Variants in AGBL1 observed in about 807,000 individuals in gnomAD.
AGBL1 encodes AGBL carboxypeptidase 1.
Under a neutral mutation model 118.9 loss-of-function variants are expected in AGBL1, and 130 were observed. The ratio of observed to expected loss-of-function variants is 1.09; its 90% CI spans 0.95 to 1.26. The LOEUF is 1.26. Ranked by LOEUF, AGBL1 falls within the 50% of genes most tolerant of loss-of-function variation. The pLI is 0.00. For synonymous variants in AGBL1, 555 were observed against 478.9 expected, an observed-to-expected ratio of 1.16 and a Z score of -2.08; for missense variants, 1,584 against 1,298.1, an observed-to-expected ratio of 1.22 and a Z score of -3.38.
chr15:86,508,207 C>A (rs370874601), intron 18 of AGBL1, among the ~76,000 whole-genome samples: 3 of 151,994 alleles, frequency 2.0e-5, no homozygotes, highest in African/African-American at 7.2e-5. Flanking sequence ...CAGGCGTGAA[C>A]CACTGTGCCC....
chr15:86,433,700 C>A (rs1396697502), intron 18 of AGBL1, among the ~76,000 whole-genome samples: 1 of 152,164 alleles, frequency 6.6e-6, no homozygotes, highest in Non-Finnish European at 1.5e-5. Context: ...CCAGTGTCTA[C>A]TCCCACTCAA....
At chr15:86,771,384 T>C (rs2078177739) in intron 22 of AGBL1, among the ~76,000 whole-genome samples, 1 of 152,106 alleles carries the variant, frequency 6.6e-6, no homozygotes, top group East Asian at 1.9e-4. Flanking sequence ...TTAAGTGGAG[T>C]GAATCAGGGA....
chr15:86,362,205 C>G (rs977761767), intron 17 of AGBL1, among the ~76,000 whole-genome samples: 1 of 148,720 alleles, frequency 6.7e-6, no homozygotes, highest in African/African-American at 2.5e-5. Context: ...CTCTCTCACA[C>G]ATTTTATGTT....
intron 3 of AGBL1, among the ~76,000 whole-genome samples, chr15:86,152,986 G>T (rs973808346): frequency 4.6e-5 from 7 of 152,152 alleles, no homozygotes. Flanking sequence ...AATTAGAATG[G>T]TAATCATTAA....
chr15:86,781,584 C>A (rs1477729513), intron 22 of AGBL1, among the ~76,000 whole-genome samples: 3 of 152,128 alleles, frequency 2.0e-5, no homozygotes, highest in Non-Finnish European at 2.9e-5. Context: ...CTTTGTATAT[C>A]TCCCTGTGTC....
chr15:87,018,751 G>A (rs953763150), intron 24 of AGBL1, among the ~76,000 whole-genome samples: 14 of 152,176 alleles, frequency 9.2e-5, no homozygotes, highest in African/African-American at 3.1e-4. Flanking sequence ...CATGATGACA[G>A]GATCAAACTC....
At chr15:86,121,339 A>C (rs999170675) in intron 1 of AGBL1, among the ~76,000 whole-genome samples, 1 of 152,232 alleles carries the variant, frequency 6.6e-6, no homozygotes, top group African/African-American at 2.4e-5. Flanking sequence ...TTTCTGTGCC[A>C]AAAATATACA....
intron 21 of AGBL1, among the ~76,000 whole-genome samples, chr15:86,622,746 G>A (rs1334136606): frequency 6.6e-6 from 1 of 152,096 alleles, no homozygotes; most frequent in Non-Finnish European, 1.5e-5. Context: ...GACTACGGGT[G>A]GGGCATACTT....
At chr15:86,546,653 C>T (rs927110247) in intron 20 of AGBL1, among the ~76,000 whole-genome samples, 2 of 152,114 alleles carry the variant, frequency 1.3e-5, no homozygotes, top group African/African-American at 4.8e-5. Context: ...CATGAGAATT[C>T]TATAAAAAGC....
intron 17 of AGBL1, among the ~76,000 whole-genome samples, chr15:86,342,969 G>A (rs1422250498): frequency 1.3e-5 from 2 of 152,172 alleles, no homozygotes; most frequent in Non-Finnish European, 2.9e-5. Context: ...GGTTGTATAA[G>A]TTAAATGTAG....
chr15:86,893,232 T>G (rs189796394), intron 22 of AGBL1, among the ~76,000 whole-genome samples: 2 of 152,168 alleles, frequency 1.3e-5, no homozygotes, highest in Admixed American at 1.3e-4. Context: ...TGAATCTGAG[T>G]GTCTGGAATT....
chr15:86,652,789 G>A (rs191107351), intron 21 of AGBL1, among the ~76,000 whole-genome samples: 42 of 152,306 alleles, frequency 2.8e-4, no homozygotes, highest in African/African-American at 9.1e-4. Context: ...TTCAGTGTGT[G>A]TAAAGCAGTG....
chr15:86,361,275 AT>A (rs1473523162), intron 17 of AGBL1, among the ~76,000 whole-genome samples: 13 of 151,830 alleles, frequency 8.6e-5, no homozygotes, highest in African/African-American at 3.1e-4. Flanking sequence ...ACTGTTACTG[AT>A]TTCTATTTTT....
intron 21 of AGBL1, among the ~76,000 whole-genome samples, chr15:86,633,847 T>C (rs1596323936): frequency 2.4e-5 from 1 of 41,924 alleles, no homozygotes; most frequent in Non-Finnish European, 3.9e-5. Context: ...ATATATATAA[T>C]GTATATATAT....
At chr15:86,307,755 C>T (rs1308718494) in intron 17 of AGBL1, among the ~76,000 whole-genome samples, 1 of 151,992 alleles carries the variant, frequency 6.6e-6, no homozygotes, top group East Asian at 1.9e-4. Context: ...ATTAGGTCTT[C>T]TCTAATCAGA....
At chr15:86,290,884 C>T (rs181475024) in intron 16 of AGBL1, among the ~76,000 whole-genome samples, 312 of 151,752 alleles carry the variant, frequency 2.1e-3, no homozygotes, top group African/African-American at 7.3e-3. Context: ...TGTTCCCCTT[C>T]CTGTGTCCAT....
At chr15:86,876,417 G>C (rs1477853899) in intron 22 of AGBL1, among the ~76,000 whole-genome samples, 1 of 152,090 alleles carries the variant, frequency 6.6e-6, no homozygotes, top group African/African-American at 2.4e-5. Flanking sequence ...AGGTGATACT[G>C]CTGCTGACTC....
chr15:86,461,120 A>G (rs180723696), intron 18 of AGBL1, among the ~76,000 whole-genome samples: 183 of 152,214 alleles, frequency 1.2e-3, no homozygotes, highest in African/African-American at 4.3e-3. Context: ...ACCCTGGGTG[A>G]TTCTGATGTC....
chr15:86,883,136 T>C (rs2079919736), intron 22 of AGBL1, among the ~76,000 whole-genome samples: 1 of 152,238 alleles, frequency 6.6e-6, no homozygotes, highest in African/African-American at 2.4e-5. Context: ...TTTAAAACAT[T>C]GCTTCCATTA....
Sources: allele counts gnomAD v4.1 joint callset (sites outside exome capture counted in the v4.1 genomes callset), GRCh38; gene constraint gnomAD v4.1.1; transcripts MANE v1.5; gene names NCBI Gene and HGNC (gene_info 2026-07-23, HGNC 2026-07-21).